The following MAPK14 variants were observed in gnomAD, a reference collection of about 807,000 sequenced individuals.
MAPK14 encodes the protein CSAID-binding protein.
MAPK14 carries 16 observed loss-of-function variants against 49.6 expected under a neutral mutation model. That is an observed-to-expected ratio of 0.32 (90% CI 0.22 to 0.49). The LOEUF is 0.49. MAPK14 is among the 20% of genes least tolerant of loss of function. The pLI is 0.99. For missense variants in MAPK14, 200 were observed against 441.2 expected, an observed-to-expected ratio of 0.45 and a Z score of 4.90; for synonymous variants, 142 against 158.0, an observed-to-expected ratio of 0.90 and a Z score of 0.76.
At chr6:36,099,807 C>T (rs1280099196) in intron 9 of MAPK14, among the ~76,000 whole-genome samples, 2 of 152,086 alleles carry the variant, frequency 1.3e-5, no homozygotes, top group Non-Finnish European at 2.9e-5. Flanking sequence ...AAAGTTGAGT[C>T]AAAATTTTTG....
intron 3 of MAPK14, among the ~76,000 whole-genome samples, chr6:36,067,477 G>C (rs1429198471): frequency 1.4e-5 from 2 of 147,418 alleles, no homozygotes; most frequent in African/African-American, 5.2e-5. Flanking sequence ...ATAACTTTGT[G>C]CTGTCACTGT....
chr6:36,119,396 C>T, the MAPK14 span, among the ~76,000 whole-genome samples: 1 of 152,176 alleles, frequency 6.6e-6, no homozygotes, highest in African/African-American at 2.4e-5. Context: ...TACATAGCTG[C>T]GGTTCTAGGT....
Position 36,111,054 on chromosome 6 carries a change from A to C in MAPK14, c.*2607A>C, listed in dbSNP as rs150500995. 1.3e-4 allele frequency: 20 copies of C among 152,356 alleles called. No homozygotes were observed. The highest frequency in any genetic ancestry group is 1.3e-3 in the Admixed American group (20 of 15,306). 9.4% of individuals were successfully genotyped at this position (152,356 alleles called of 1,614,324 possible). A position where few individuals can be genotyped will look rare whatever the true frequency, so the allele number is the denominator to read the frequency against. On this transcript the variant is annotated 3_prime_UTR_variant, in exon 12 of 12. Transcript: ENST00000229794. ...AGTGGCCGAAATGACAGGGCTCAGC[A>C]GACTGTGGCCTGAGGGCCAAATCTG...
chr6:36,073,656 G>T (rs1414628678), intron 4 of MAPK14, 35 bp from the exon 5 acceptor site: 1 of 1,574,310 alleles, frequency 6.4e-7, no homozygotes, highest in East Asian at 2.2e-5. Flanking sequence ...ACAATAGAAG[G>T]TTGGAGGTAA....
intron 3 of MAPK14, among the ~76,000 whole-genome samples, chr6:36,071,962 A>G (rs144722804): frequency 6.6e-6 from 1 of 152,322 alleles, no homozygotes; most frequent in Non-Finnish European, 1.5e-5. Flanking sequence ...CTAAGATTAT[A>G]GGTGTGAGCC....
rs142276896 is a variant in MAPK14, at chr6:36,091,037, C to G, written c.683-4950C>G. On this transcript the variant is annotated intron_variant, in intron 8 of 11. Transcript: ENST00000229794. Reference sequence around the variant, plus strand: ...TGTCACCAGGAAGATTTCCTACCTTCCCAAAGGTTAGTGCTCCACTTCACC... The same window carrying G: ...TGTCACCAGGAAGATTTCCTACCTTGCCAAAGGTTAGTGCTCCACTTCACC... 4.9e-3 allele frequency among the ~76,000 whole-genome samples: 744 copies of G among 152,324 alleles called. 9 individuals are homozygous for G. The highest frequency in any genetic ancestry group is 0.044 in the Middle Eastern group (13 of 294).
intron 8 of MAPK14, among the ~76,000 whole-genome samples, chr6:36,080,630 A>G (rs941169094): frequency 1.3e-5 from 2 of 152,130 alleles, no homozygotes; most frequent in African/African-American, 4.8e-5. Flanking sequence ...ACCTTTGGCT[A>G]TTGTGAATAA....
chr6:36,112,646 A>G (rs1765995412), downstream of MAPK14, among the ~76,000 whole-genome samples: 1 of 152,188 alleles, frequency 6.6e-6, no homozygotes, highest in Admixed American at 6.5e-5. Context: ...ATATTTTGAT[A>G]TTCACATTCT....
chr6:36,042,476 CT>C (rs113286534), intron 1 of MAPK14, among the ~76,000 whole-genome samples: 268 of 102,672 alleles, frequency 2.6e-3, no homozygotes, highest in East Asian at 0.015. Flanking sequence ...GAAGGAATAT[CT>C]TTTTTTTTTT....
At chr6:36,031,695 G>A (rs768410217) in intron 1 of MAPK14, among the ~76,000 whole-genome samples, 1 of 151,938 alleles carries the variant, frequency 6.6e-6, no homozygotes, top group African/African-American at 2.4e-5. Flanking sequence ...GTGAGCCACC[G>A]TCTCTGGCCA....
chr6:36,103,044 A>C (rs1765688437), intron 10 of MAPK14, among the ~76,000 whole-genome samples: 1 of 152,154 alleles, frequency 6.6e-6, no homozygotes, highest in Non-Finnish European at 1.5e-5. Context: ...GTGGGTGTTT[A>C]GAGGAGCCAC....
the MAPK14 span, among the ~76,000 whole-genome samples, chr6:36,122,566 C>T: frequency 2.0e-5 from 3 of 152,220 alleles, no homozygotes; most frequent in Non-Finnish European, 2.9e-5. Flanking sequence ...CCCCTACCCT[C>T]GCCAACCTCA....
intron 3 of MAPK14, 56 bp from the exon 4 acceptor site, chr6:36,072,817 G>A (rs1334940106): frequency 1.0e-6 from 1 of 965,660 alleles, no homozygotes; most frequent in Non-Finnish European, 1.6e-6. Context: ...GTCTTCTGAA[G>A]ATAAGAACTT....
intron 8 of MAPK14, among the ~76,000 whole-genome samples, chr6:36,084,528 A>T (rs1764900833): frequency 6.6e-6 from 1 of 152,226 alleles, no homozygotes; most frequent in Non-Finnish European, 1.5e-5. Flanking sequence ...AAAACACAAC[A>T]TGAGAACTTC....
At chr6:36,073,612 A>C in intron 4 of MAPK14, 79 bp from the exon 5 acceptor site, 1 of 1,150,966 alleles carries the variant, frequency 8.7e-7, no homozygotes. Context: ...TTACTGATTC[A>C]TGAAAATGTG....
At chr6:36,102,124 T>C (rs934557718) in intron 9 of MAPK14, among the ~76,000 whole-genome samples, 4 of 152,236 alleles carry the variant, frequency 2.6e-5, no homozygotes, top group Admixed American at 6.5e-5. Flanking sequence ...AGGTTTAATA[T>C]TGATATCCTT....
At chr6:36,057,021 A>G (rs1231158903) in intron 2 of MAPK14, among the ~76,000 whole-genome samples, 6 of 152,336 alleles carry the variant, frequency 3.9e-5, no homozygotes, top group South Asian at 2.1e-4. Flanking sequence ...CAGGTACTCT[A>G]TTGGGAGGCA....
At position 36,102,636 on chromosome 6, in the gene MAPK14, T is replaced by A. The variant is rs185588333; in HGVS notation, c.828T>A (p.Gly276=). ...PKMNFANVFI[G]ANPLAVDLLE... is the part of the protein sequence containing the mutation. The stretch of plus-strand genomic sequence containing the variant: ...TGAACTTTGCGAATGTATTTATTGG[T>A]GCCAATCCCCTGGGTAAGTTGACCA... Residue 276 remains glycine (G), a synonymous_variant, in exon 10 of 12, where the codon GGT becomes GGA. Coordinates refer to ENST00000229794, the MANE Select transcript of MAPK14 (RefSeq NM_139012.3). 6 of 1,613,998 alleles carry A rather than the reference T, an allele frequency of 3.7e-6. No homozygotes were observed. The highest frequency in any genetic ancestry group is 5.1e-6 in the Non-Finnish European group (6 of 1,179,858).
chr6:36,047,841 T>C (rs1763242408), intron 1 of MAPK14, among the ~76,000 whole-genome samples: 1 of 151,872 alleles, frequency 6.6e-6, no homozygotes, highest in Non-Finnish European at 1.5e-5. Context: ...GTTCAAGCAA[T>C]TCTCCTGCCT....
Sources: allele counts gnomAD v4.1 joint callset (sites outside exome capture counted in the v4.1 genomes callset), GRCh38; gene constraint gnomAD v4.1.1; transcripts MANE v1.5; gene names NCBI Gene and HGNC (gene_info 2026-07-23, HGNC 2026-07-21).